The following REDIC1 variants were observed in gnomAD, a reference collection of about 807,000 sequenced individuals.
REDIC1 encodes the protein HEI10 Interacting Protein 1.
At chr12:39,665,273 T>C in the REDIC1 span, among the ~76,000 whole-genome samples, 1 of 152,346 alleles carries the variant, frequency 6.6e-6, no homozygotes, top group African/African-American at 2.4e-5. Flanking sequence ...AGGGATCCAG[T>C]TTCAGCTTTC....
At chr12:39,855,435 C>T in the REDIC1 span, among the ~76,000 whole-genome samples, 2 of 152,148 alleles carry the variant, frequency 1.3e-5, no homozygotes, top group Non-Finnish European at 2.9e-5. Flanking sequence ...ATGTAGGAAG[C>T]CTTCTGTCAT....
At chr12:39,689,401 C>A in the REDIC1 span, among the ~76,000 whole-genome samples, 1 of 152,164 alleles carries the variant, frequency 6.6e-6, no homozygotes, top group Non-Finnish European at 1.5e-5. Flanking sequence ...GGAGCAATTT[C>A]TGAGAGAGGT....
the REDIC1 span, among the ~76,000 whole-genome samples, chr12:39,719,633 A>G: frequency 6.6e-6 from 1 of 151,972 alleles, no homozygotes; most frequent in South Asian, 2.1e-4. Context: ...AAAAAAAATC[A>G]CCAATAACAT....
At chr12:39,711,729 A>G in the REDIC1 span, among the ~76,000 whole-genome samples, 1 of 13,310 alleles carries the variant, frequency 7.5e-5, no homozygotes, top group Non-Finnish European at 3.2e-4. Flanking sequence ...ATGCACATGC[A>G]TGTGTGTATG....
At chr12:39,631,206 A>T in the REDIC1 span, among the ~76,000 whole-genome samples, 1 of 152,138 alleles carries the variant, frequency 6.6e-6, no homozygotes, top group Non-Finnish European at 1.5e-5. Flanking sequence ...ACATTTTTAT[A>T]AGCAGGTACT....
the REDIC1 span, among the ~76,000 whole-genome samples, chr12:39,821,661 T>C: frequency 6.6e-6 from 1 of 152,158 alleles, no homozygotes; most frequent in African/African-American, 2.4e-5. Flanking sequence ...TGGTGAACTA[T>C]ACCGAAGAGG....
chr12:39,681,410 C>A, the REDIC1 span, among the ~76,000 whole-genome samples: 1 of 152,126 alleles, frequency 6.6e-6, no homozygotes, highest in Non-Finnish European at 1.5e-5. Flanking sequence ...TCTCAGTAAC[C>A]ACCACTAAAG....
At chr12:39,761,134 G>T in the REDIC1 span, among the ~76,000 whole-genome samples, 1 of 152,020 alleles carries the variant, frequency 6.6e-6, no homozygotes, top group African/African-American at 2.4e-5. Context: ...TGTGACAATT[G>T]GCTGGAGAAA....
chr12:39,853,971 A>ATCC, the REDIC1 span, among the ~76,000 whole-genome samples: 1 of 152,168 alleles, frequency 6.6e-6, no homozygotes. Flanking sequence ...TTTTGTTAAA[A>ATCC]TAAAATCCTA....
chr12:39,860,686 C>T, the REDIC1 span, among the ~76,000 whole-genome samples: 3 of 152,198 alleles, frequency 2.0e-5, no homozygotes, highest in Non-Finnish European at 2.9e-5. Context: ...ACCAAAGACT[C>T]CTTCCTCCTA....
chr12:39,765,813 G>A, the REDIC1 span, among the ~76,000 whole-genome samples: 45 of 152,124 alleles, frequency 3.0e-4, no homozygotes, highest in African/African-American at 1.0e-3. Flanking sequence ...GGTTTGCTGT[G>A]CCTATCAACC....
chr12:39,838,756 C>G, the REDIC1 span, among the ~76,000 whole-genome samples: 1 of 152,124 alleles, frequency 6.6e-6, no homozygotes, highest in African/African-American at 2.4e-5. Flanking sequence ...CTCAGAAAAT[C>G]TTTTAAAAAT....
the REDIC1 span, among the ~76,000 whole-genome samples, chr12:39,640,417 A>G: frequency 1.3e-5 from 2 of 151,888 alleles, no homozygotes; most frequent in Non-Finnish European, 2.9e-5. Flanking sequence ...GCTTTATAGT[A>G]TTTTGTTATA....
At chr12:39,714,659 G>T in the REDIC1 span, among the ~76,000 whole-genome samples, 2 of 151,830 alleles carry the variant, frequency 1.3e-5, no homozygotes, top group African/African-American at 4.8e-5. Flanking sequence ...CATAGTGGCT[G>T]TACTAGTTTA....
the REDIC1 span, among the ~76,000 whole-genome samples, chr12:39,729,824 T>C: frequency 6.6e-6 from 1 of 152,194 alleles, no homozygotes; most frequent in Non-Finnish European, 1.5e-5. Context: ...AAGAACTTGC[T>C]TTATGAATCT....
chr12:39,843,250 A>G, the REDIC1 span, among the ~76,000 whole-genome samples: 1 of 152,020 alleles, frequency 6.6e-6, no homozygotes, highest in Admixed American at 6.6e-5. Context: ...GACCAATGAT[A>G]CTGGTACAGA....
chr12:39,896,521 CATGTATACATGT>C, the REDIC1 span, among the ~76,000 whole-genome samples: 180 of 126,744 alleles, frequency 1.4e-3, 2 homozygotes, highest in African/African-American at 5.1e-3. Context: ...TGTGTGTATA[CATGTATACATGT>C]ATGTATGTAT....
chr12:39,773,396 T>TA, the REDIC1 span, among the ~76,000 whole-genome samples: 6 of 152,172 alleles, frequency 3.9e-5, no homozygotes, highest in Admixed American at 3.3e-4. Flanking sequence ...AATCATGGAA[T>TA]ACACAGAACT....
the REDIC1 span, among the ~76,000 whole-genome samples, chr12:39,807,248 A>T: frequency 6.6e-6 from 1 of 152,152 alleles, no homozygotes; most frequent in Non-Finnish European, 1.5e-5. Context: ...GACCACCACT[A>T]GGGATCCCTG....
Sources: allele counts gnomAD v4.1 joint callset (sites outside exome capture counted in the v4.1 genomes callset), GRCh38; gene constraint gnomAD v4.1.1; transcripts MANE v1.5; gene names NCBI Gene and HGNC (gene_info 2026-07-23, HGNC 2026-07-21).